Variants in EDEM1 observed in about 807,000 individuals in gnomAD.
The protein encoded by EDEM1 is ER degradation-enhancing alpha-mannosidase-like protein 1.
In EDEM1, 67 loss-of-function variants were observed where a neutral mutation model predicts 74.4. That is an observed-to-expected ratio of 0.90 (90% CI 0.74 to 1.10). The LOEUF (loss-of-function observed/expected upper bound fraction) is 1.10. Ranked by LOEUF, EDEM1 falls within the 50% of genes least tolerant of loss-of-function variation. The pLI is 0.00. For missense variants in EDEM1, 926 were observed against 851.6 expected (o/e 1.09, Z -1.09); for synonymous variants, 382 against 335.9 (o/e 1.14, Z -1.50).
At chr3:5,204,525 G>T (rs2055072352) in intron 5 of EDEM1, among the ~76,000 whole-genome samples, 1 of 151,970 alleles carries the variant, frequency 6.6e-6, no homozygotes, top group Admixed American at 6.6e-5. Context: ...TGAGTAGCTG[G>T]CACTACAGGC....
At position 5,218,324 on chromosome 3, in the gene EDEM1, G is replaced by A. The variant is rs951764755; in HGVS notation, c.*2406G>A. ...GGTTTGTGGGGCTGGATGCCAGAAG[G>A]TTCTTTGAGCCAGTTTCAAAGGTTA... On this transcript the variant is annotated 3_prime_UTR_variant, in exon 12 of 12. Transcript: ENST00000256497. The A allele has an allele frequency of 3.2e-4, 48 of 150,824 alleles. No individual in the cohort carries two copies. The highest frequency in any genetic ancestry group is 1.1e-3 in the African/African-American group (47 of 41,014). The allele number at this position is 150,824 out of a possible 1,614,324, so 9.3% of individuals were successfully genotyped here.
intron 2 of EDEM1, among the ~76,000 whole-genome samples, chr3:5,198,065 G>C (rs2054991002): frequency 6.6e-6 from 1 of 151,708 alleles, no homozygotes; most frequent in South Asian, 2.1e-4. Context: ...TTTTTTTTGA[G>C]ACAGAGTCTT....
chr3:5,210,793 A>G (rs1416106789), intron 9 of EDEM1, among the ~76,000 whole-genome samples: 4 of 152,102 alleles, frequency 2.6e-5, no homozygotes, highest in Non-Finnish European at 4.4e-5. Context: ...AGTCAATTCT[A>G]CAAGTATTAG....
chr3:5,200,957 TG>T (rs2055027597), intron 3 of EDEM1, among the ~76,000 whole-genome samples: 1 of 150,494 alleles, frequency 6.6e-6, no homozygotes, highest in Non-Finnish European at 1.5e-5. Context: ...AGTGCAGTGG[TG>T]CTATCACGGC....
intron 7 of EDEM1, 148 bp from the exon 8 acceptor site, chr3:5,207,945 G>A (rs2055118578): frequency 3.4e-6 from 3 of 876,736 alleles, no homozygotes; most frequent in African/African-American, 3.4e-5. Context: ...TGTCTGGGTT[G>A]TCACTTTTGG....
At position 5,215,093 on chromosome 3, in the gene EDEM1, A is replaced by G. The variant is rs971149236; in HGVS notation, c.1885-736A>G. Among the ~76,000 whole-genome samples the G allele has an allele frequency of 2.6e-5, 4 of 152,064 alleles. No individual in the cohort carries two copies. In the East Asian group the frequency reaches 7.7e-4, roughly 29 times the overall value. ...ATGTGGGCTGGTGGGGGCAGTCGGG[A>G]CCAATGGAAGGACCGGCCAGTCTTG... On this transcript the variant is annotated intron_variant, in intron 11 of 11. Transcript: ENST00000256497.
chr3:5,207,954 G>A, intron 7 of EDEM1, 139 bp from the exon 8 acceptor site: 1 of 966,830 alleles, frequency 1.0e-6, no homozygotes, highest in Non-Finnish European at 1.5e-6. Context: ...TGTCACTTTT[G>A]GGTTGGTTTT....
chr3:5,215,297 T>TGGGG (rs542039971), intron 11 of EDEM1, among the ~76,000 whole-genome samples: 1 of 109,368 alleles, frequency 9.1e-6, no homozygotes, highest in East Asian at 2.7e-4. Context: ...GTGGTGGGGG[T>TGGGG]GGGGGGGTTT....
intron 1 of EDEM1, chr3:5,189,494 G>A (rs1198942290): frequency 6.6e-6 from 1 of 152,080 alleles, no homozygotes; most frequent in African/African-American, 2.4e-5. Flanking sequence ...AAACCGATGA[G>A]TTTTTCTTGC....
chr3:5,187,803 A>C lies in EDEM1; in HGVS notation c.-3A>C. On this transcript the variant is annotated 5_prime_UTR_variant, in exon 1 of 12. Coordinates refer to ENST00000256497, the MANE Select transcript of EDEM1 (RefSeq NM_014674.3). ...AAATAATGCCCGCGGCGCCCGCGCG[A>C]CCATGCAATGGCGAGCGCTCGTCCT... 6.4e-7 allele frequency: 1 copy of C among 1,555,270 alleles called. No homozygotes were observed. Among genetic ancestry groups the C allele is most frequent in the Non-Finnish European group, 8.7e-7 (1 of 1,149,674 alleles).
Position 5,216,394 on chromosome 3 carries a change from A to G in EDEM1, c.*476A>G. 6.6e-6 allele frequency: 1 copy of G among 152,478 alleles called. No individual in the cohort carries two copies. Among genetic ancestry groups the G allele is most frequent in the Non-Finnish European group, 1.5e-5 (1 of 68,204 alleles). 9.4% of individuals were successfully genotyped at this position (152,478 alleles called of 1,614,324 possible). On this transcript the variant is annotated 3_prime_UTR_variant, in exon 12 of 12. Coordinates refer to ENST00000256497, the MANE Select transcript of EDEM1 (RefSeq NM_014674.3). ...GTGATCCTTCTGCCTCAGCCTCCCG[A>G]GTAGCTGGGATTACAGGTGAGCACC...
At chr3:5,207,473 C>T (rs890724195) in intron 7 of EDEM1, among the ~76,000 whole-genome samples, 200 bp downstream of exon 7, 5 of 152,234 alleles carry the variant, frequency 3.3e-5, no homozygotes, top group South Asian at 4.1e-4. Context: ...AGTGCAAAAC[C>T]GTGCTTGAGA....
intron 10 of EDEM1, among the ~76,000 whole-genome samples, chr3:5,211,936 TG>T (rs1344533279): frequency 2.0e-5 from 3 of 152,174 alleles, no homozygotes; most frequent in Middle Eastern, 3.2e-3. Context: ...TTCCTCAGTA[TG>T]GCCACATAGA....
chr3:5,193,500 A>G (rs916578961), intron 1 of EDEM1, among the ~76,000 whole-genome samples: 2 of 152,174 alleles, frequency 1.3e-5, no homozygotes, highest in Non-Finnish European at 2.9e-5. Flanking sequence ...TTTTCCAGCC[A>G]AGCAGTTTTC....
At chr3:5,213,555 T>C in intron 11 of EDEM1, 33 bp downstream of exon 11, 9 of 1,568,852 alleles carry the variant, frequency 5.7e-6, no homozygotes, top group Non-Finnish European at 7.8e-6. Context: ...GATTTGCATA[T>C]AGAGGAAGAG....
intron 3 of EDEM1, 134 bp downstream of exon 3, chr3:5,199,829 A>C (rs994273767): frequency 1.7e-6 from 1 of 586,644 alleles, no homozygotes; most frequent in Non-Finnish European, 2.9e-6. Context: ...TGCAGTGTGC[A>C]TTTTTCATGT....
chr3:5,209,907 C>T (rs1169581822), intron 8 of EDEM1, among the ~76,000 whole-genome samples: 1 of 152,180 alleles, frequency 6.6e-6, no homozygotes, highest in Non-Finnish European at 1.5e-5. Flanking sequence ...ATCATGATGG[C>T]AACCAAAGTA....
intron 5 of EDEM1, among the ~76,000 whole-genome samples, chr3:5,204,425 C>T (rs888048571): frequency 1.3e-4 from 19 of 151,664 alleles, no homozygotes; most frequent in African/African-American, 2.7e-4. Flanking sequence ...CCAGGCTGGA[C>T]GGCAGTGGCA....
intron 11 of EDEM1, among the ~76,000 whole-genome samples, chr3:5,215,615 T>C (rs537015031): frequency 2.6e-4 from 39 of 152,276 alleles, no homozygotes; most frequent in East Asian, 2.5e-3. Context: ...GTTTTTGATT[T>C]TCACAGCTGA....
Sources: allele counts gnomAD v4.1 joint callset (sites outside exome capture counted in the v4.1 genomes callset), GRCh38; gene constraint gnomAD v4.1.1; transcripts MANE v1.5; gene names NCBI Gene and HGNC (gene_info 2026-07-23, HGNC 2026-07-21).